TENM4: variants seen among roughly 807,000 people sequenced by gnomAD.
TENM4 encodes the protein teneurin-4.
A neutral mutation model predicts 243.3 loss-of-function variants in TENM4; 82 were observed. The observed-to-expected ratio is 0.34, with a 90% CI of 0.28 to 0.40. The LOEUF (loss-of-function observed/expected upper bound fraction) is 0.40, where lower values mean the gene tolerates loss of function less well. Ranked by LOEUF, TENM4 falls within the 10% of genes least tolerant of loss-of-function variation. TENM4 has a pLI of 1.00. For synonymous variants in TENM4, 1,412 were observed against 1,456.3 expected (o/e 0.97, Z 0.69); for missense variants, 3,138 against 3,673.3 (o/e 0.85, Z 3.77).
At chr11:79,290,548 G>T (rs1162652964) in intron 2 of TENM4, among the ~76,000 whole-genome samples, 4 of 151,558 alleles carry the variant, frequency 2.6e-5, no homozygotes, top group African/African-American at 4.9e-5. Flanking sequence ...AATGGAAGTG[G>T]CTTGGGAACT....
chr11:78,753,598 A>T (rs1473070112), intron 19 of TENM4, among the ~76,000 whole-genome samples: 1 of 152,194 alleles, frequency 6.6e-6, no homozygotes, highest in East Asian at 1.9e-4. Flanking sequence ...CATATTTTAC[A>T]CAGGAATCTG....
intron 9 of TENM4, among the ~76,000 whole-genome samples, chr11:78,869,026 A>T (rs1452117405): frequency 6.6e-6 from 1 of 152,210 alleles, no homozygotes; most frequent in East Asian, 1.9e-4. Context: ...CAGAAATGAC[A>T]GGCTTTCATT....
intron 6 of TENM4, among the ~76,000 whole-genome samples, chr11:79,035,541 G>A (rs376697209): frequency 1.2e-4 from 17 of 143,548 alleles, no homozygotes; most frequent in Non-Finnish European, 1.4e-4. Flanking sequence ...ATTCAGACAA[G>A]AAAAAAAAAA....
chr11:78,738,414 G>T, intron 20 of TENM4, 37 bp downstream of exon 20: 1 of 1,601,242 alleles, frequency 6.2e-7, no homozygotes, highest in South Asian at 1.1e-5. Flanking sequence ...ACAAGAGCGG[G>T]ACCTTCACTG....
intron 6 of TENM4, among the ~76,000 whole-genome samples, chr11:79,055,870 T>C (rs1291851175): frequency 6.6e-6 from 1 of 152,182 alleles, no homozygotes; most frequent in East Asian, 1.9e-4. Flanking sequence ...CTTTTTCGGC[T>C]GATGGGGAAA....
intron 1 of TENM4, among the ~76,000 whole-genome samples, chr11:79,308,165 G>C (rs1330049522): frequency 6.6e-6 from 1 of 152,242 alleles, no homozygotes; most frequent in African/African-American, 2.4e-5. Flanking sequence ...GGAGTCCCAG[G>C]AGTTTGGGCA....
Position 78,722,812 on chromosome 11 carries a change from C to G in TENM4, c.3656G>C (p.Ser1219Thr). Residue 1219 changes from serine to threonine, a missense_variant, in exon 24 of 34, where the codon AGC becomes ACC. Physicochemically the swap from Ser to Thr is moderately conservative, Grantham distance 58. Coordinates refer to ENST00000278550, the MANE Select transcript of TENM4 (RefSeq NM_001098816.3). The part of the protein sequence containing the change: ...NGRRRSISCP[S>T]CNGLADGNKL... The stretch of plus-strand genomic sequence containing the variant: ...GTTGCCGTCAGCAAGGCCGTTGCAG[C>G]TGGGGCAGGAGATGCTTCTCCGGCG... The G allele has an allele frequency of 6.2e-7, 1 of 1,614,064 alleles. No individual in the cohort carries two copies. The highest frequency in any genetic ancestry group is 8.5e-7 in the Non-Finnish European group (1 of 1,179,900).
Position 78,712,563 on chromosome 11 carries a change from C to T in TENM4, c.3973G>A (p.Gly1325Ser), listed in dbSNP as rs760456132. ...TCATCAAAGGGGAGGCACTGGTCAC[C>T]TGTCCCCGCAACCACCTCAGAGTTC... ...VKNSEVVAGT[G>S]DQCLPFDDTR... The change falls in exon 26 of 34, where the codon GGT becomes AGT. Residue 1325 changes from glycine (G) to serine (S), a missense_variant. This residue lies in a region of TENM4 where 2,467 missense variants were observed against 3,059.1 expected (regional missense o/e 0.81). Coordinates refer to ENST00000278550, the MANE Select transcript of TENM4 (RefSeq NM_001098816.3). 6.9e-5 allele frequency: 111 copies of T among 1,613,882 alleles called. No homozygotes were observed. The highest frequency in any genetic ancestry group is 9.3e-5 in the Non-Finnish European group (110 of 1,179,912).
intron 28 of TENM4, among the ~76,000 whole-genome samples, chr11:78,700,245 G>A (rs538184395): frequency 1.0e-3 from 159 of 152,286 alleles, no homozygotes; most frequent in African/African-American, 3.6e-3. Context: ...GATGCAGGGA[G>A]GGCAGCAGGG....
chr11:79,072,125 A>C (rs1280914732), intron 4 of TENM4, among the ~76,000 whole-genome samples: 2 of 152,206 alleles, frequency 1.3e-5, no homozygotes, highest in African/African-American at 4.8e-5. Context: ...CCACAAGGGA[A>C]GATCAGTGAT....
intron 3 of TENM4, among the ~76,000 whole-genome samples, chr11:79,176,918 G>C (rs1591334525): frequency 6.6e-6 from 1 of 152,058 alleles, no homozygotes; most frequent in Non-Finnish European, 1.5e-5. Context: ...GTCAGGGTGG[G>C]GGCAGGTTCC....
intron 2 of TENM4, among the ~76,000 whole-genome samples, chr11:79,239,758 C>T (rs1864553268): frequency 6.6e-6 from 1 of 152,186 alleles, no homozygotes; most frequent in South Asian, 2.1e-4. Flanking sequence ...GTTTTGTTCT[C>T]ATCCTAGACC....
intron 6 of TENM4, among the ~76,000 whole-genome samples, chr11:78,959,754 C>T (rs929027883): frequency 1.3e-5 from 2 of 152,188 alleles, no homozygotes; most frequent in East Asian, 3.8e-4. Context: ...TAAAGTCCCC[C>T]ATCTCCTTCC....
rs113353613 is a variant in TENM4 at position 79,404,005 on chromosome 11, A to C, written c.-321+36504T>G. Among the ~76,000 whole-genome samples, 774 of 152,324 alleles carry C rather than the reference A, an allele frequency of 5.1e-3. 3 individuals are homozygous for C. Among genetic ancestry groups the C allele is most frequent in the Middle Eastern group, 0.01 (3 of 294 alleles). On this transcript the variant is annotated intron_variant, in intron 1 of 33. Transcript: ENST00000278550. ...AGTTCCTGGACAGCAGGGCAGTCCC[A>C]AGAAAGCACTTCACTGGCTCAGAGC...
chr11:78,767,015 A>C (rs1856552977), intron 18 of TENM4, among the ~76,000 whole-genome samples: 1 of 152,196 alleles, frequency 6.6e-6, no homozygotes, highest in Non-Finnish European at 1.5e-5. Flanking sequence ...CTGCTGTAGC[A>C]TTCTTTATGA....
intron 6 of TENM4, among the ~76,000 whole-genome samples, chr11:78,981,339 C>T (rs1857789229): frequency 6.6e-6 from 1 of 152,168 alleles, no homozygotes; most frequent in Non-Finnish European, 1.5e-5. Flanking sequence ...CTCATTGCAT[C>T]CCCACGACAG....
In TENM4 at chr11:78,880,488, A is replaced by AAAAAAAAAAAAAAAG. The variant is rs1368857006; in HGVS notation, c.1084+9296_1084+9297insCTTTTTTTTTTTTTT. Among the ~76,000 whole-genome samples, 68 of 112,974 alleles carry AAAAAAAAAAAAAAAG rather than the reference A, an allele frequency of 6.0e-4. 1 individual carries two copies. The highest frequency in any genetic ancestry group is 1.4e-3 in the African/African-American group (41 of 28,888). The allele number at this position is 112,974 out of a possible 152,430, so 74.1% of individuals were successfully genotyped here. On this transcript the variant is annotated intron_variant, in intron 9 of 33. Coordinates refer to ENST00000278550, the MANE Select transcript of TENM4 (RefSeq NM_001098816.3). ...AAAAAAAAAAAAAAAAAAAAAAAAA[A>AAAAAAAAAAAAAAAG]AGAAAGAAAAAATGGCCTGTGAAAA...
chr11:78,958,583 T>G (rs115390836), intron 6 of TENM4, among the ~76,000 whole-genome samples: 2,807 of 152,344 alleles, frequency 0.018, 81 homozygotes, highest in African/African-American at 0.056. Context: ...CCCACGGTCC[T>G]CTTTGCACTT....
chr11:79,317,036 A>T (rs930695464), intron 1 of TENM4, among the ~76,000 whole-genome samples: 1 of 152,252 alleles, frequency 6.6e-6, no homozygotes, highest in Non-Finnish European at 1.5e-5. Context: ...ACTGTCCTAC[A>T]TTTGATTCTG....
Sources: allele counts gnomAD v4.1 joint callset (sites outside exome capture counted in the v4.1 genomes callset), GRCh38; gene constraint gnomAD v4.1.1; regional missense constraint gnomAD v4.1.1; transcripts MANE v1.5; gene names NCBI Gene and HGNC (gene_info 2026-07-23, HGNC 2026-07-21).